GNB4: variants seen among roughly 807,000 people sequenced by gnomAD.
GNB4 encodes the protein guanine nucleotide-binding protein subunit beta-4.
Under a neutral mutation model 45.2 loss-of-function variants are expected in GNB4, and 28 were observed. That is an observed-to-expected ratio of 0.62 (90% CI 0.46 to 0.85). The LOEUF is 0.85. Ranked by LOEUF, GNB4 falls within the 40% of genes least tolerant of loss-of-function variation. GNB4 has a pLI of 0.00. For missense variants in GNB4, 321 were observed against 425.4 expected, an observed-to-expected ratio of 0.75 and a Z score of 2.16; for synonymous variants, 132 against 143.7, an observed-to-expected ratio of 0.92 and a Z score of 0.58.
chr3:179,470,906 G>A, the GNB4 span, among the ~76,000 whole-genome samples: 2 of 152,182 alleles, frequency 1.3e-5, no homozygotes, highest in Admixed American at 6.5e-5. Context: ...TAGGCCGGGC[G>A]CCGTGGCTTA....
the GNB4 span, among the ~76,000 whole-genome samples, chr3:179,487,263 A>G: frequency 5.3e-5 from 8 of 152,366 alleles, no homozygotes; most frequent in South Asian, 1.4e-3. Flanking sequence ...AATTTGGAGG[A>G]AGAAAGATTA....
intron 1 of GNB4, among the ~76,000 whole-genome samples, chr3:179,447,435 AC>A (rs1352847395): frequency 6.6e-6 from 1 of 150,646 alleles, no homozygotes; most frequent in Non-Finnish European, 1.5e-5. Context: ...TGCAACTTTG[AC>A]CTCCTGGACT....
the GNB4 span, among the ~76,000 whole-genome samples, chr3:179,463,936 G>C: frequency 6.6e-6 from 1 of 152,064 alleles, no homozygotes; most frequent in Admixed American, 6.5e-5. Flanking sequence ...GGCCAATACT[G>C]TATTATATAC....
In GNB4 at chr3:179,403,107, A is replaced by AAGAAAGGC. The variant is rs796435538; in HGVS notation, c.917-1796_917-1789dup. Among the ~76,000 whole-genome samples, 61 of 152,346 alleles carry AAGAAAGGC rather than the reference A, an allele frequency of 4.0e-4. 1 individual carries two copies. The highest frequency in any genetic ancestry group is 1.4e-3 in the African/African-American group (57 of 41,572). On this transcript the variant is annotated intron_variant, in intron 9 of 9. Transcript: ENST00000232564. ...GAGGAAAGTGGAAGATGGAAAAAGG[A>AAGAAAGGC]AGAAAGGCAGAAAGGCAGACACAGC...
chr3:179,492,611 G>C, the GNB4 span, among the ~76,000 whole-genome samples: 1 of 152,118 alleles, frequency 6.6e-6, no homozygotes, highest in Non-Finnish European at 1.5e-5. Context: ...CCCAAGCCTA[G>C]TACACCAGCA....
At chr3:179,508,762 G>T in the GNB4 span, among the ~76,000 whole-genome samples, 1 of 151,610 alleles carries the variant, frequency 6.6e-6, no homozygotes, top group Non-Finnish European at 1.5e-5. Flanking sequence ...TTGCTCAATG[G>T]AATATATTCT....
At chr3:179,406,141 G>C (rs1714464480) in intron 8 of GNB4, among the ~76,000 whole-genome samples, 1 of 151,960 alleles carries the variant, frequency 6.6e-6, no homozygotes, top group African/African-American at 2.4e-5. Flanking sequence ...TTCTACTTCG[G>C]TTAATAGTAA....
the GNB4 span, among the ~76,000 whole-genome samples, chr3:179,490,696 C>T: frequency 1.3e-5 from 2 of 152,130 alleles, no homozygotes; most frequent in African/African-American, 4.8e-5. Flanking sequence ...GAGAGACCAA[C>T]CTGCCTTTCC....
At chr3:179,447,506 G>A (rs1715765751) in intron 1 of GNB4, among the ~76,000 whole-genome samples, 1 of 152,004 alleles carries the variant, frequency 6.6e-6, no homozygotes, top group South Asian at 2.1e-4. Context: ...GCACCACCAC[G>A]CCTGGCTAAA....
At chr3:179,402,100 T>G (rs551483939) in intron 9 of GNB4, among the ~76,000 whole-genome samples, 1 of 152,298 alleles carries the variant, frequency 6.6e-6, no homozygotes, top group Non-Finnish European at 1.5e-5. Context: ...CTCTTAATAT[T>G]CTCTATAGTA....
At chr3:179,429,774 C>T (rs1201065120) in intron 1 of GNB4, among the ~76,000 whole-genome samples, 1 of 152,214 alleles carries the variant, frequency 6.6e-6, no homozygotes, top group Non-Finnish European at 1.5e-5. Flanking sequence ...ATCAGTTCTA[C>T]TACAAATTCA....
chr3:179,467,710 G>A, the GNB4 span, among the ~76,000 whole-genome samples: 26 of 152,184 alleles, frequency 1.7e-4, no homozygotes, highest in African/African-American at 6.3e-4. Flanking sequence ...AAATAAACAT[G>A]GTTGGTGTTC....
chr3:179,434,737 AAAG>A (rs1293072439), intron 1 of GNB4, among the ~76,000 whole-genome samples: 1 of 151,304 alleles, frequency 6.6e-6, no homozygotes. Context: ...AAAAAAAAAG[AAAG>A]AAGAAAAAAA....
At chr3:179,485,267 C>T in the GNB4 span, among the ~76,000 whole-genome samples, 1 of 152,080 alleles carries the variant, frequency 6.6e-6, no homozygotes, top group South Asian at 2.1e-4. Context: ...CCGCCTCGGC[C>T]TCCCAAAGTG....
At chr3:179,523,550 G>A in the GNB4 span, among the ~76,000 whole-genome samples, 2 of 152,104 alleles carry the variant, frequency 1.3e-5, no homozygotes, top group African/African-American at 4.8e-5. Context: ...TGTAAGACTT[G>A]TCTGGTTTTT....
Position 179,405,383 on chromosome 3 carries a change from G to A in GNB4, c.723C>T (p.Phe241=), listed in dbSNP as rs752815541. The A allele has an allele frequency of 2.0e-5, 32 of 1,612,548 alleles. No individual in the cohort carries two copies. The highest frequency in any genetic ancestry group is 1.6e-4 in the Middle Eastern group (1 of 6,074). Reference sequence around the variant, plus strand: ...AAGTGGCATCATCAGAGCCAGTGGCGAAGGCATATCCATTTGGGAAAAACT... The same window carrying A: ...AAGTGGCATCATCAGAGCCAGTGGCAAAGGCATATCCATTTGGGAAAAACT... ...AVSFFPNGYA[F]ATGSDDATCR... The change falls in exon 9 of 10, where the codon TTC becomes TTT. Residue 241 remains phenylalanine (F), a synonymous_variant. Transcript: ENST00000232564.
At position 179,397,513 on chromosome 3, in the gene GNB4, A is replaced by G. The variant is rs1714154233; in HGVS notation, c.*3700T>C. The stretch of plus-strand genomic sequence containing the variant: ...ACTATCATGCAATCGCTGAGGTCAT[A>G]TGAGTCTAAAATGAAGGGAATTGCT... On this transcript the variant is annotated 3_prime_UTR_variant, in exon 10 of 10. Transcript: ENST00000232564. The G allele has an allele frequency of 1.3e-5, 2 of 152,494 alleles. No individual in the cohort carries two copies. Among genetic ancestry groups the G allele is most frequent in the South Asian group, 2.1e-4 (1 of 4,830 alleles). The allele number at this position is 152,494 out of a possible 1,614,324, so 9.4% of individuals were successfully genotyped here. A position where few individuals can be genotyped will look rare whatever the true frequency, so the allele number is the denominator to read the frequency against.
the GNB4 span, among the ~76,000 whole-genome samples, chr3:179,463,149 G>A: frequency 0.33 from 49,468 of 151,958 alleles, 8,645 homozygotes; most frequent in African/African-American, 0.46. Flanking sequence ...CTGTACATTC[G>A]CTGGGTCAGG....
At chr3:179,473,013 G>A in the GNB4 span, among the ~76,000 whole-genome samples, 2 of 152,032 alleles carry the variant, frequency 1.3e-5, no homozygotes, top group East Asian at 1.9e-4. Flanking sequence ...AATACAAAAA[G>A]TTAGCCAGCC....
Sources: gnomAD v4.1 joint callset for allele counts (sites outside exome capture counted in the v4.1 genomes callset) on GRCh38, gnomAD v4.1.1 for gene constraint, MANE v1.5 for transcripts, NCBI Gene and HGNC (gene_info 2026-07-23, HGNC 2026-07-21) for gene names.